Variants in ZC3H12B observed in about 807,000 individuals in gnomAD.
ZC3H12B encodes the protein probable ribonuclease ZC3H12B.
In ZC3H12B, 7 loss-of-function variants were observed where a neutral mutation model predicts 43.9. The ratio of observed to expected loss-of-function variants is 0.16; its 90% confidence interval spans 0.09 to 0.30. ZC3H12B has a LOEUF of 0.30. ZC3H12B is among the 10% of genes least tolerant of loss of function. The pLI is 1.00. For synonymous variants in ZC3H12B, 222 were observed against 241.7 expected (o/e 0.92, Z 0.76); for missense variants, 475 against 670.2 (o/e 0.71, Z 3.22).
At chrX:65,122,150 A>G in the ZC3H12B span, among the ~76,000 whole-genome samples, 1 of 111,215 alleles carries the variant, frequency 9.0e-6, no homozygotes, top group African/African-American at 3.3e-5. Flanking sequence ...AGTTTTGTAG[A>G]TGTCTATTAG....
intron 2 of ZC3H12B, among the ~76,000 whole-genome samples, chrX:65,393,041 G>A (rs899058232): frequency 3.4e-4 from 38 of 111,266 alleles, no homozygotes; most frequent in African/African-American, 1.1e-3. Context: ...ACAGATGCTT[G>A]AAGGCAGCAT....
the ZC3H12B span, among the ~76,000 whole-genome samples, chrX:65,093,506 G>C: frequency 8.9e-6 from 1 of 112,353 alleles, no homozygotes; most frequent in African/African-American, 3.2e-5. Context: ...CACAGGGGCA[G>C]GGCTGTGCAA....
the ZC3H12B span, among the ~76,000 whole-genome samples, chrX:65,218,147 G>T: frequency 8.9e-6 from 1 of 112,391 alleles, no homozygotes; most frequent in Non-Finnish European, 1.9e-5. Context: ...GGAATGATGT[G>T]ATGTATTCTA....
intron 1 of ZC3H12B, among the ~76,000 whole-genome samples, chrX:65,490,936 G>A (rs1410665477): frequency 3.6e-5 from 4 of 110,870 alleles, no homozygotes; most frequent in Non-Finnish European, 7.6e-5. Flanking sequence ...AGAGAGTGGG[G>A]ATGGGAGAAA....
the ZC3H12B span, among the ~76,000 whole-genome samples, chrX:65,171,799 C>CT: frequency 9.0e-6 from 1 of 111,415 alleles, no homozygotes; most frequent in Non-Finnish European, 1.9e-5. Flanking sequence ...GACTGCTGTG[C>CT]TAGCAACGAG....
At chrX:65,483,991 C>A (rs929927437), upstream of ZC3H12B, among the ~76,000 whole-genome samples, 1 of 111,916 alleles carries the variant, frequency 8.9e-6, no homozygotes, top group African/African-American at 3.2e-5. Context: ...TTTTCTTTAT[C>A]CAGTCTATCA....
chrX:65,222,827 A>C, the ZC3H12B span, among the ~76,000 whole-genome samples: 1 of 110,395 alleles, frequency 9.1e-6, no homozygotes, highest in East Asian at 2.8e-4. Context: ...CTACAAATTC[A>C]GTGCAATTCA....
At chrX:65,228,222 G>T in the ZC3H12B span, among the ~76,000 whole-genome samples, 1 of 111,760 alleles carries the variant, frequency 8.9e-6, no homozygotes, top group African/African-American at 3.3e-5. Context: ...TGCAAGGCTG[G>T]TTCAATATAC....
At chrX:65,198,659 T>C in the ZC3H12B span, among the ~76,000 whole-genome samples, 1 of 111,818 alleles carries the variant, frequency 8.9e-6, no homozygotes, top group Admixed American at 9.5e-5. Context: ...AGTTTGAAAA[T>C]CAAATGTCTT....
At chrX:65,189,058 G>A in the ZC3H12B span, among the ~76,000 whole-genome samples, 1 of 99,410 alleles carries the variant, frequency 1.0e-5, no homozygotes, top group African/African-American at 3.8e-5. Context: ...TTGGTTTTTT[G>A]TTCTTGCGAT....
At chrX:65,069,537 C>T in the ZC3H12B span, among the ~76,000 whole-genome samples, 1 of 110,790 alleles carries the variant, frequency 9.0e-6, no homozygotes, top group East Asian at 2.8e-4. Context: ...ATTCTGAATT[C>T]CTTCTCTGTG....
At chrX:65,314,406 G>A in the ZC3H12B span, among the ~76,000 whole-genome samples, 1 of 111,415 alleles carries the variant, frequency 9.0e-6, no homozygotes, top group African/African-American at 3.3e-5. Context: ...AAGGCAGACC[G>A]AGAAAAATGA....
At chrX:65,342,626 A>T in the ZC3H12B span, among the ~76,000 whole-genome samples, 16 of 111,642 alleles carry the variant, frequency 1.4e-4, no homozygotes, top group African/African-American at 4.9e-4. Context: ...CAGATACAAC[A>T]TAGTGGAATC....
the ZC3H12B span, among the ~76,000 whole-genome samples, chrX:65,067,115 C>T: frequency 1.3e-3 from 144 of 110,431 alleles, no homozygotes; most frequent in Non-Finnish European, 2.0e-3. Flanking sequence ...CCACTTGACT[C>T]CCTGGCTTCA....
the ZC3H12B span, among the ~76,000 whole-genome samples, chrX:65,225,430 C>A: frequency 8.9e-6 from 1 of 112,117 alleles, no homozygotes; most frequent in Non-Finnish European, 1.9e-5. Context: ...GGGGAAAAAA[C>A]AGAGCAGAAA....
chrX:65,117,677 G>A, the ZC3H12B span, among the ~76,000 whole-genome samples: 1 of 111,663 alleles, frequency 9.0e-6, no homozygotes, highest in Non-Finnish European at 1.9e-5. Context: ...TTTTCTTCTA[G>A]GGTTTTTATG....
chrX:65,458,834 G>A (rs953216263), intron 3 of ZC3H12B, among the ~76,000 whole-genome samples: 7 of 111,347 alleles, frequency 6.3e-5, no homozygotes, highest in African/African-American at 2.3e-4. Context: ...TCAAAAGCTA[G>A]CAGAAGACAA....
At chrX:65,163,645 G>T in the ZC3H12B span, among the ~76,000 whole-genome samples, 2 of 111,820 alleles carry the variant, frequency 1.8e-5, no homozygotes, top group African/African-American at 6.5e-5. Flanking sequence ...TAGGGTGGGA[G>T]TGACCTGATT....
chrX:65,238,949 C>A, the ZC3H12B span, among the ~76,000 whole-genome samples: 2 of 111,911 alleles, frequency 1.8e-5, no homozygotes, highest in Non-Finnish European at 3.8e-5. Context: ...GTCTGAAAGA[C>A]TTTCTTATGA....
Sources: gnomAD v4.1 joint callset for allele counts (sites outside exome capture counted in the v4.1 genomes callset) on GRCh38, gnomAD v4.1.1 for gene constraint, MANE v1.5 for transcripts, NCBI Gene and HGNC (gene_info 2026-07-23, HGNC 2026-07-21) for gene names.